The following LYST variants were observed in gnomAD, a reference collection of about 807,000 sequenced individuals.
LYST encodes the protein lysosomal trafficking regulator.
A neutral mutation model predicts 413.6 loss-of-function variants in LYST; 192 were observed. That is an observed-to-expected ratio of 0.46 (90% CI 0.41 to 0.52). LYST has a LOEUF of 0.52. LYST is among the 20% of genes least tolerant of loss of function. The pLI, the probability that LYST is intolerant of heterozygous loss-of-function variation, is 0.00. For synonymous variants in LYST, 1,525 were observed against 1,567.3 expected (o/e 0.97, Z 0.64); for missense variants, 3,815 against 4,499.9 (o/e 0.85, Z 4.35).
At chr1:235,731,581 CAG>C (rs1289162962) in intron 34 of LYST, among the ~76,000 whole-genome samples, 100 of 121,222 alleles carry the variant, frequency 8.2e-4, no homozygotes, top group African/African-American at 3.2e-3. Flanking sequence ...TTTTTTGAGA[CAG>C]AGTCTGGCTG....
At chr1:235,864,680 G>A (rs573476176) in intron 1 of LYST, among the ~76,000 whole-genome samples, 4 of 152,162 alleles carry the variant, frequency 2.6e-5, no homozygotes, top group African/African-American at 9.7e-5. Context: ...GCCTACAATC[G>A]CAGAATGTTG....
rs761345760 is a variant in LYST at position 235,773,922 on chromosome 1, C to T, written c.5704G>A (p.Val1902Ile). 1.1e-5 allele frequency: 18 copies of T among 1,600,994 alleles called. No homozygotes were observed. The highest frequency in any genetic ancestry group is 1.5e-5 in the Non-Finnish European group (18 of 1,168,274). Residue 1902 changes from valine (V) to isoleucine (I), a missense_variant, in exon 19 of 53, where the codon GTA becomes ATA. Physicochemically the swap from Val to Ile is conservative, Grantham distance 29. Coordinates refer to ENST00000389793, the MANE Select transcript of LYST (RefSeq NM_000081.4). ...TCTTGGATTATAGCATTAGAGTCTA[C>T]ATCCAACTTAAACTCTCCATTCTCA... ...MNENGEFKLDVDSNAIIQDVK... is the reference protein window; with the variant it reads ...MNENGEFKLDIDSNAIIQDVK...
At chr1:235,857,868 G>C (rs928071972) in intron 1 of LYST, among the ~76,000 whole-genome samples, 3 of 151,962 alleles carry the variant, frequency 2.0e-5, no homozygotes, top group Non-Finnish European at 4.4e-5. Flanking sequence ...ATCACTTTGG[G>C]GGCCAGGAAG....
chr1:235,775,577 T>C (rs935674113), intron 17 of LYST, among the ~76,000 whole-genome samples: 7 of 152,204 alleles, frequency 4.6e-5, no homozygotes, highest in Non-Finnish European at 8.8e-5. Context: ...CACACACTTA[T>C]TATCATGCTA....
chr1:235,715,353 AAGTACTG>A lies in LYST; in HGVS notation c.9628-3_9631del. The stretch of plus-strand genomic sequence containing the variant: ...GGCTCCTTTGCGGTACTCTTCCTCC[AAGTACTG>A]AAAGAAACGGTGAATCCAGAGAATT... On this transcript the variant is annotated splice_acceptor_variant and splice_polypyrimidine_tract_variant and coding_sequence_variant and intron_variant, in exon 42 of 53. Transcript: ENST00000389793. LOFTEE classifies it high-confidence loss of function. The A allele has an allele frequency of 1.2e-6, 2 of 1,613,786 alleles. No homozygotes were observed. Among genetic ancestry groups the A allele is most frequent in the Non-Finnish European group, 1.7e-6 (2 of 1,179,832 alleles).
intron 24 of LYST, among the ~76,000 whole-genome samples, chr1:235,756,770 T>C (rs898042080): frequency 3.3e-5 from 5 of 152,052 alleles, no homozygotes; most frequent in Non-Finnish European, 5.9e-5. Flanking sequence ...TTACAAGACA[T>C]AAATAGGATG....
At chr1:235,782,819 C>G (rs905310439) in intron 14 of LYST, among the ~76,000 whole-genome samples, 1 of 152,168 alleles carries the variant, frequency 6.6e-6, no homozygotes, top group African/African-American at 2.4e-5. Flanking sequence ...CCTTTGAAAA[C>G]TAATCAGTAA....
intron 19 of LYST, among the ~76,000 whole-genome samples, chr1:235,773,628 A>G (rs1668931503): frequency 5.3e-5 from 8 of 152,204 alleles, no homozygotes; most frequent in Admixed American, 5.2e-4. Flanking sequence ...TCCAGGGGCT[A>G]GAGAAAGAGG....
intron 13 of LYST, among the ~76,000 whole-genome samples, chr1:235,787,646 A>G (rs920593947): frequency 6.6e-6 from 1 of 152,086 alleles, no homozygotes; most frequent in South Asian, 2.1e-4. Context: ...TTGTAAAAAA[A>G]TATATATTAT....
Position 235,777,158 on chromosome 1 carries a change from G to T in LYST, c.5365C>A (p.His1789Asn), listed in dbSNP as rs1270209610. The T allele has an allele frequency of 3.7e-6, 6 of 1,613,420 alleles. No homozygotes were observed. Among genetic ancestry groups the T allele is most frequent in the African/African-American group, 1.3e-5 (1 of 74,896 alleles). Reference sequence around the variant, plus strand: ...TCAGTAGGTTGGAGATTCTTTAGATGATGAGGTTCTAATAAGATGCTCTGA... The same window carrying T: ...TCAGTAGGTTGGAGATTCTTTAGATTATGAGGTTCTAATAAGATGCTCTGA... ...EVQSILLEPH[H>N]LKNLQPTEYK... The change falls in exon 17 of 53, where the codon CAT (histidine) becomes AAT (asparagine). Residue 1789 changes from histidine (H) to asparagine (N), a missense_variant. Physicochemically the swap from His to Asn is moderately conservative, Grantham distance 68. Transcript: ENST00000389793.
chr1:235,808,272 T>A (rs1000441873), intron 5 of LYST, among the ~76,000 whole-genome samples, 183 bp downstream of exon 5: 1 of 152,092 alleles, frequency 6.6e-6, no homozygotes, highest in Non-Finnish European at 1.5e-5. Flanking sequence ...GTTGACAAAT[T>A]GAAATTAAAT....
chr1:235,737,916 A>AAGATG lies in LYST; in HGVS notation c.8359-3258_8359-3257insCATCT. 18 of 1,163,404 alleles carry AAGATG rather than the reference A, an allele frequency of 1.5e-5. No individual in the cohort carries two copies. In the Admixed American group the frequency reaches 2.6e-4, roughly 17 times the overall value. 72.1% of individuals were successfully genotyped at this position (1,163,404 alleles called of 1,614,324 possible). ...GAAGGTGCTGGAGCCGCTGCCGACGAGTCTGGATCTCACTGCCGCGTGCCC... is the reference window on the plus strand; with the variant it reads ...GAAGGTGCTGGAGCCGCTGCCGACGAAGATGGTCTGGATCTCACTGCCGCGTGCCC... On this transcript the variant is annotated intron_variant, in intron 31 of 52. Coordinates refer to ENST00000389793, the MANE Select transcript of LYST (RefSeq NM_000081.4).
intron 28 of LYST, among the ~76,000 whole-genome samples, chr1:235,748,687 G>A (rs79577351): frequency 0.027 from 4,137 of 152,268 alleles, 169 homozygotes; most frequent in African/African-American, 0.094. Flanking sequence ...CTGAGCAGAA[G>A]AATGGTAAAC....
chr1:235,666,975 T>C (rs1179105810), intron 50 of LYST, among the ~76,000 whole-genome samples: 19 of 152,322 alleles, frequency 1.2e-4, no homozygotes, highest in African/African-American at 4.6e-4. Flanking sequence ...AATGTGGGCC[T>C]GGACTCTCAA....
chr1:235,803,290 T>C (rs989828675), intron 7 of LYST, among the ~76,000 whole-genome samples: 5 of 152,182 alleles, frequency 3.3e-5, no homozygotes, highest in Non-Finnish European at 5.9e-5. Context: ...AAGTAAGTTA[T>C]AGGTCATTTC....
intron 28 of LYST, chr1:235,747,258 C>A: frequency 2.2e-6 from 1 of 453,094 alleles, no homozygotes; most frequent in Non-Finnish European, 4.5e-6. Context: ...AGAAGGGCAT[C>A]GGAAGTTGAC....
intron 44 of LYST, among the ~76,000 whole-genome samples, chr1:235,706,894 G>A (rs1032836362): frequency 6.6e-6 from 1 of 152,076 alleles, no homozygotes; most frequent in Non-Finnish European, 1.5e-5. Flanking sequence ...TTATTTTAAA[G>A]CTACTTTTGG....
chr1:235,835,390 C>T (rs571931726), intron 1 of LYST, among the ~76,000 whole-genome samples: 1 of 152,280 alleles, frequency 6.6e-6, no homozygotes, highest in African/African-American at 2.4e-5. Context: ...TCTTGCAATG[C>T]TAAGATGATT....
intron 19 of LYST, 92 bp from the exon 20 acceptor site, chr1:235,770,389 A>C: frequency 1.9e-6 from 2 of 1,073,932 alleles, no homozygotes; most frequent in Non-Finnish European, 2.9e-6. Flanking sequence ...ACAATTTAAC[A>C]TTGTGTATAT....
Sources: allele counts gnomAD v4.1 joint callset (sites outside exome capture counted in the v4.1 genomes callset), GRCh38; gene constraint gnomAD v4.1.1; transcripts MANE v1.5; gene names NCBI Gene and HGNC (gene_info 2026-07-23, HGNC 2026-07-21).